Variants in PREP observed in about 807,000 individuals in gnomAD.
PREP encodes prolyl endopeptidase.
A neutral mutation model predicts 87.6 loss-of-function variants in PREP; 29 were observed. The ratio of observed to expected loss-of-function variants is 0.33; its 90% CI spans 0.25 to 0.45. PREP has a LOEUF of 0.45. Ranked by LOEUF, PREP falls within the 20% of genes least tolerant of loss-of-function variation. PREP has a pLI of 1.00. For missense variants in PREP, 695 were observed against 886.5 expected, an observed-to-expected ratio of 0.78 and a Z score of 2.74; for synonymous variants, 337 against 328.6, an observed-to-expected ratio of 1.03 and a Z score of -0.28.
intron 1 of PREP, among the ~76,000 whole-genome samples, chr6:105,402,328 C>T (rs1289428488): frequency 6.6e-6 from 1 of 152,100 alleles, no homozygotes; most frequent in African/African-American, 2.4e-5. Context: ...AGGCGCTCAA[C>T]ACACCTTTTA....
chr6:105,343,446 C>A (rs561883053), intron 7 of PREP, among the ~76,000 whole-genome samples: 1 of 152,260 alleles, frequency 6.6e-6, no homozygotes, highest in Admixed American at 6.5e-5. Flanking sequence ...CTAGGCAATA[C>A]CATTCAGGAC....
intron 2 of PREP, among the ~76,000 whole-genome samples, chr6:105,387,056 T>C (rs974122966): frequency 2.6e-5 from 4 of 152,088 alleles, no homozygotes; most frequent in African/African-American, 9.7e-5. Flanking sequence ...CTACTAAAAA[T>C]ACAAAAATTA....
chr6:105,398,882 C>T (rs1024480707), intron 1 of PREP, among the ~76,000 whole-genome samples: 6 of 152,082 alleles, frequency 3.9e-5, no homozygotes, highest in Admixed American at 6.5e-5. Flanking sequence ...CTGAGGCAGG[C>T]GGATCACTTG....
chr6:105,316,053 T>C (rs907782039), intron 10 of PREP, among the ~76,000 whole-genome samples: 8 of 152,238 alleles, frequency 5.3e-5, no homozygotes, highest in Non-Finnish European at 1.2e-4. Context: ...CATAGCACTT[T>C]TTATTTCTTT....
At position 105,278,532 on chromosome 6, in the gene PREP, G is replaced by A; in HGVS notation, c.1839-94C>T. ...TAGTTAATTAGCAGTGAGGACTGCAGTTAACTAGTACGTGAGTGACCACCA... is the reference window on the plus strand; with the variant it reads ...TAGTTAATTAGCAGTGAGGACTGCAATTAACTAGTACGTGAGTGACCACCA... On this transcript the variant is annotated intron_variant, in intron 14 of 14. Transcript: ENST00000652536. This position sits in a 1 kb window ranked among gnomAD's most constrained non-coding sequence, Gnocchi z 4.2. The A allele has an allele frequency of 3.1e-6, 4 of 1,292,634 alleles. No individual in the cohort carries two copies. The highest frequency in any genetic ancestry group is 4.3e-6 in the Non-Finnish European group (4 of 926,924). 80.1% of individuals were successfully genotyped at this position (1,292,634 alleles called of 1,614,324 possible).
intron 10 of PREP, among the ~76,000 whole-genome samples, chr6:105,303,150 T>C (rs1172879990): frequency 6.8e-6 from 1 of 147,646 alleles, no homozygotes; most frequent in African/African-American, 2.5e-5. Flanking sequence ...TATGTATGTA[T>C]GTATGTAAAG....
At chr6:105,310,443 C>G (rs1770736567) in intron 10 of PREP, among the ~76,000 whole-genome samples, 1 of 152,200 alleles carries the variant, frequency 6.6e-6, no homozygotes, top group Non-Finnish European at 1.5e-5. Context: ...ACTGAAAGTG[C>G]TCTTATCAAT....
At chr6:105,388,175 C>T (rs1480798992) in intron 2 of PREP, among the ~76,000 whole-genome samples, 1 of 133,200 alleles carries the variant, frequency 7.5e-6, no homozygotes, top group African/African-American at 3.6e-5. Flanking sequence ...TCTACCAAAT[C>T]TCTTCTCTTA....
chr6:105,291,197 G>A (rs964987800), intron 10 of PREP, among the ~76,000 whole-genome samples: 5 of 152,206 alleles, frequency 3.3e-5, no homozygotes, highest in Admixed American at 2.6e-4. Flanking sequence ...CCTTGCCTTC[G>A]TGTGGATGGC....
intron 9 of PREP, among the ~76,000 whole-genome samples, chr6:105,326,226 A>G (rs1287255558): frequency 6.6e-6 from 1 of 152,160 alleles, no homozygotes; most frequent in African/African-American, 2.4e-5. Context: ...AGAGCCATGC[A>G]TATGGGACTG....
At chr6:105,342,099 C>T (rs1409584173) in intron 7 of PREP, among the ~76,000 whole-genome samples, 6 of 152,174 alleles carry the variant, frequency 3.9e-5, no homozygotes, top group Non-Finnish European at 7.3e-5. Context: ...AATTTTAGAC[C>T]AATATCCCTG....
intron 12 of PREP, among the ~76,000 whole-genome samples, chr6:105,284,243 G>A (rs762106987): frequency 2.0e-4 from 31 of 152,278 alleles, no homozygotes; most frequent in Non-Finnish European, 4.0e-4. Context: ...TGGCAACGAT[G>A]GACCAGATGG....
At chr6:105,281,645 A>G in intron 14 of PREP, 101 bp downstream of exon 14, 1 of 1,403,724 alleles carries the variant, frequency 7.1e-7, no homozygotes, top group South Asian at 1.4e-5. Context: ...ATGCAAATGC[A>G]AGACCCTGAC....
chr6:105,302,496 T>G, intron 10 of PREP: 2 of 368,926 alleles, frequency 5.4e-6, no homozygotes, highest in Admixed American at 3.6e-5. Context: ...CGGCCGCTCC[T>G]TCCGCGGCTG....
intron 10 of PREP, chr6:105,322,751 A>C (rs1771045517): frequency 3.8e-6 from 4 of 1,046,592 alleles, no homozygotes; most frequent in Non-Finnish European, 4.6e-6. Context: ...TCATAGCTCT[A>C]CACCAAATCC....
chr6:105,395,269 T>C (rs976426805), intron 2 of PREP, among the ~76,000 whole-genome samples: 4 of 152,226 alleles, frequency 2.6e-5, no homozygotes, highest in Admixed American at 6.5e-5. Flanking sequence ...CAGACATGAA[T>C]ACATTCCTTT....
intron 2 of PREP, among the ~76,000 whole-genome samples, chr6:105,381,958 T>C (rs944773402): frequency 6.6e-6 from 1 of 152,210 alleles, no homozygotes; most frequent in African/African-American, 2.4e-5. Flanking sequence ...GAGATTCCTT[T>C]ACTCCTAATG....
At position 105,274,488 on chromosome 6, in the gene PREP, G is replaced by A. The variant is rs1769895883; in HGVS notation, c.*3656C>T. 6.6e-6 allele frequency among the ~76,000 whole-genome samples: 1 copy of A among 152,146 alleles called. No homozygotes were observed. Among genetic ancestry groups the A allele is most frequent in the South Asian group, 2.1e-4 (1 of 4,822 alleles). On this transcript the variant is annotated 3_prime_UTR_variant, in exon 15 of 15. Coordinates refer to ENST00000652536, the MANE Select transcript of PREP (RefSeq NM_002726.5). ...CAGCAGTAAGAGAGCTGTTTCGGCT[G>A]GGCATGGTGGCTCATGCCTGTAATC...
In PREP at chr6:105,352,920, T is replaced by C. The variant is rs1209033438; in HGVS notation, c.823+52A>G. ...TCAATTAATAGACCACAATAATACT[T>C]TTTAAATGAAGTTTCTTGGAATAAC... On this transcript the variant is annotated intron_variant, in intron 7 of 14. Coordinates refer to ENST00000652536, the MANE Select transcript of PREP (RefSeq NM_002726.5). 21 of 1,477,350 alleles carry C rather than the reference T, an allele frequency of 1.4e-5. 1 individual carries two copies. Among genetic ancestry groups the C allele is most frequent in the Non-Finnish European group, 2.0e-5 (21 of 1,057,112 alleles). The allele number at this position is 1,477,350 out of a possible 1,614,324, so 91.5% of individuals were successfully genotyped here.
Sources: allele counts gnomAD v4.1 joint callset (sites outside exome capture counted in the v4.1 genomes callset), GRCh38; gene constraint gnomAD v4.1.1; non-coding constraint Gnocchi (gnomAD v3.1); transcripts MANE v1.5; gene names NCBI Gene and HGNC (gene_info 2026-07-23, HGNC 2026-07-21).